The following CNTNAP5 variants were observed in gnomAD, a reference collection of about 807,000 sequenced individuals.
CNTNAP5 encodes contactin associated protein family member 5, also known as contactin-associated protein-like 5.
CNTNAP5 carries 72 observed loss-of-function variants against 150.2 expected under a neutral mutation model. That is an observed-to-expected ratio of 0.48 (90% CI 0.40 to 0.58). The LOEUF (loss-of-function observed/expected upper bound fraction) is 0.58, where lower values mean the gene tolerates loss of function less well. CNTNAP5 is among the 20% of genes least tolerant of loss of function. The pLI is 0.00. For missense variants in CNTNAP5, 1,636 were observed against 1,626.2 expected (o/e 1.01, Z -0.10); for synonymous variants, 672 against 619.8 (o/e 1.08, Z -1.25).
chr2:124,719,637 T>C (rs550450133), intron 13 of CNTNAP5, among the ~76,000 whole-genome samples: 4 of 152,220 alleles, frequency 2.6e-5, no homozygotes, highest in Admixed American at 2.6e-4. Context: ...ATAGTTTCTC[T>C]TGTGGTCCTG....
intron 13 of CNTNAP5, among the ~76,000 whole-genome samples, chr2:124,653,520 G>A (rs139134041): frequency 6.6e-5 from 10 of 151,832 alleles, no homozygotes; most frequent in Non-Finnish European, 8.8e-5. Flanking sequence ...CATTCATCAC[G>A]TACTCTTTAT....
At chr2:124,814,181 A>G (rs1316333719) in intron 19 of CNTNAP5, among the ~76,000 whole-genome samples, 4 of 149,916 alleles carry the variant, frequency 2.7e-5, no homozygotes, top group Non-Finnish European at 5.9e-5. Flanking sequence ...AGATGATTGG[A>G]TGCATCATGT....
At chr2:124,183,924 T>C (rs957942922) in intron 1 of CNTNAP5, among the ~76,000 whole-genome samples, 1 of 152,200 alleles carries the variant, frequency 6.6e-6, no homozygotes, top group African/African-American at 2.4e-5. Context: ...CGATTACTTT[T>C]GCACGAACCT....
chr2:124,634,080 C>T (rs1364250236), intron 12 of CNTNAP5, among the ~76,000 whole-genome samples: 1 of 152,196 alleles, frequency 6.6e-6, no homozygotes, highest in Non-Finnish European at 1.5e-5. Flanking sequence ...TTCCCATTGT[C>T]ATGGATATTA....
chr2:124,888,675 G>T (rs1678130117), intron 21 of CNTNAP5, among the ~76,000 whole-genome samples: 1 of 152,010 alleles, frequency 6.6e-6, no homozygotes, highest in East Asian at 1.9e-4. Flanking sequence ...TTGTGGTTTT[G>T]ATTTGCATCT....
At chr2:124,564,466 C>CT (rs1173412597) in intron 11 of CNTNAP5, among the ~76,000 whole-genome samples, 2 of 152,168 alleles carry the variant, frequency 1.3e-5, no homozygotes, top group African/African-American at 4.8e-5. Context: ...AGTGATTCTC[C>CT]TGCCTCAGCC....
At chr2:124,655,971 G>A (rs1678442156) in intron 13 of CNTNAP5, among the ~76,000 whole-genome samples, 1 of 127,382 alleles carries the variant, frequency 7.9e-6, no homozygotes, top group African/African-American at 3.0e-5. Flanking sequence ...AAGAAAGAAA[G>A]AAAGAAAGAA....
At chr2:124,513,862 G>T (rs1694648025) in intron 8 of CNTNAP5, among the ~76,000 whole-genome samples, 1 of 152,148 alleles carries the variant, frequency 6.6e-6, no homozygotes, top group South Asian at 2.1e-4. Flanking sequence ...ATAGGCTACG[G>T]CCCTGCAGTT....
intron 7 of CNTNAP5, among the ~76,000 whole-genome samples, chr2:124,481,108 C>T (rs893261193): frequency 3.9e-5 from 6 of 152,162 alleles, no homozygotes; most frequent in Non-Finnish European, 5.9e-5. Context: ...CCAGGACGAT[C>T]GGGTTCGGGT....
intron 1 of CNTNAP5, among the ~76,000 whole-genome samples, chr2:124,076,086 T>C (rs1682430434): frequency 6.6e-6 from 1 of 152,184 alleles, no homozygotes; most frequent in Non-Finnish European, 1.5e-5. Flanking sequence ...AATGATTATA[T>C]GTATTAAGTG....
chr2:124,597,528 G>C (rs1218523158), intron 11 of CNTNAP5, among the ~76,000 whole-genome samples: 1 of 150,904 alleles, frequency 6.6e-6, no homozygotes. Flanking sequence ...AGTCTGATGG[G>C]CTTCCCTTTG....
chr2:124,075,368 C>G (rs766407448), intron 1 of CNTNAP5, among the ~76,000 whole-genome samples: 8 of 152,102 alleles, frequency 5.3e-5, no homozygotes, highest in Non-Finnish European at 1.0e-4. Flanking sequence ...CTCTGATAAT[C>G]CCTTTCATGT....
rs1160369761 is a variant in CNTNAP5, at chr2:124,911,554, T to C, written c.3727+16T>C. 3.2e-6 allele frequency: 5 copies of C among 1,573,066 alleles called. No homozygotes were observed. The highest frequency in any genetic ancestry group is 2.3e-5 in the East Asian group (1 of 43,518). On this transcript the variant is annotated intron_variant, in intron 23 of 23. Coordinates refer to ENST00000682447, the MANE Select transcript of CNTNAP5 (RefSeq NM_001367498.1). Reference sequence around the variant, plus strand: ...GTCATCGGAGGTAAACAATTCATTGTTGTTGAATGCAAAAAGACATAAACG... The same window carrying C: ...GTCATCGGAGGTAAACAATTCATTGCTGTTGAATGCAAAAAGACATAAACG...
intron 6 of CNTNAP5, among the ~76,000 whole-genome samples, chr2:124,464,177 T>C (rs914120718): frequency 6.6e-6 from 1 of 151,920 alleles, no homozygotes; most frequent in South Asian, 2.1e-4. Flanking sequence ...CAGAATGTAG[T>C]AGGAGGGATG....
intron 13 of CNTNAP5, among the ~76,000 whole-genome samples, chr2:124,724,230 G>C (rs1680108689): frequency 6.6e-6 from 1 of 151,852 alleles, no homozygotes; most frequent in African/African-American, 2.4e-5. Context: ...GCTGCATGTT[G>C]GCACTTCAAC....
chr2:124,582,396 A>T (rs1558963500), intron 11 of CNTNAP5, among the ~76,000 whole-genome samples: 1 of 152,206 alleles, frequency 6.6e-6, no homozygotes, highest in Admixed American at 6.5e-5. Context: ...TTCTCAAAAG[A>T]GATTGAACTC....
At chr2:124,102,727 G>T (rs1321486145) in intron 1 of CNTNAP5, among the ~76,000 whole-genome samples, 1 of 152,168 alleles carries the variant, frequency 6.6e-6, no homozygotes, top group African/African-American at 2.4e-5. Flanking sequence ...TCCCGTTCCT[G>T]TGGGGGCATC....
intron 3 of CNTNAP5, among the ~76,000 whole-genome samples, chr2:124,297,014 C>A (rs1346300647): frequency 1.3e-5 from 2 of 152,160 alleles, no homozygotes; most frequent in Admixed American, 6.5e-5. Context: ...ACTATCCAGG[C>A]TGTTAGACTC....
intron 3 of CNTNAP5, among the ~76,000 whole-genome samples, chr2:124,300,836 C>CA (rs1688554959): frequency 6.6e-6 from 1 of 152,148 alleles, no homozygotes; most frequent in African/African-American, 2.4e-5. Flanking sequence ...ACCAGAGGGC[C>CA]AAAGGGCATG....
Sources: gnomAD v4.1 joint callset for allele counts (sites outside exome capture counted in the v4.1 genomes callset) on GRCh38, gnomAD v4.1.1 for gene constraint, MANE v1.5 for transcripts, NCBI Gene and HGNC (gene_info 2026-07-23, HGNC 2026-07-21) for gene names.